The following SULT1B1 variants were observed in gnomAD, a reference collection of about 807,000 sequenced individuals.
The protein encoded by SULT1B1 is sulfotransferase family 1B member 1, also known as sulfotransferase 1B1.
A neutral mutation model predicts 34.6 loss-of-function variants in SULT1B1; 28 were observed. That is an observed-to-expected ratio of 0.81 (90% CI 0.60 to 1.11). The LOEUF is 1.11. SULT1B1 is among the 50% of genes least tolerant of loss of function. The pLI is 0.00. For synonymous variants in SULT1B1, 147 were observed against 110.2 expected (o/e 1.33, Z -2.09); for missense variants, 374 against 352.2 (o/e 1.06, Z -0.50).
chr4:69,737,169 A>T (rs1340337338), intron 4 of SULT1B1, among the ~76,000 whole-genome samples: 1 of 152,224 alleles, frequency 6.6e-6, no homozygotes, highest in Non-Finnish European at 1.5e-5. Flanking sequence ...ATCTAAAACC[A>T]TGAAGGCCAA....
chr4:69,754,886 A>G, intron 2 of SULT1B1, 88 bp from the exon 3 acceptor site: 1 of 1,435,424 alleles, frequency 7.0e-7, no homozygotes, highest in South Asian at 1.3e-5. Context: ...CCATCTTAAC[A>G]CATTCTATTA....
At chr4:69,750,343 T>G (rs1303902617) in intron 3 of SULT1B1, among the ~76,000 whole-genome samples, 1 of 152,154 alleles carries the variant, frequency 6.6e-6, no homozygotes, top group Non-Finnish European at 1.5e-5. Flanking sequence ...CATATGTCTC[T>G]CCATATATGT....
intron 7 of SULT1B1, among the ~76,000 whole-genome samples, chr4:69,730,295 T>C (rs1372894797): frequency 4.6e-5 from 7 of 152,258 alleles, no homozygotes; most frequent in African/African-American, 1.7e-4. Context: ...AATAAATATT[T>C]ATCATATATT....
At chr4:69,728,195 C>T (rs1717913986) in intron 7 of SULT1B1, among the ~76,000 whole-genome samples, 1 of 151,910 alleles carries the variant, frequency 6.6e-6, no homozygotes, top group South Asian at 2.1e-4. Context: ...CAGATTTAAG[C>T]AATTAAAAGT....
At chr4:69,751,019 A>G (rs757267641) in intron 3 of SULT1B1, among the ~76,000 whole-genome samples, 1 of 152,254 alleles carries the variant, frequency 6.6e-6, no homozygotes. Context: ...ACATTTGGAA[A>G]GTACTTACAT....
intron 1 of SULT1B1, 65 bp from the exon 2 acceptor site, chr4:69,755,326 AT>A: frequency 7.9e-7 from 1 of 1,266,032 alleles, no homozygotes; most frequent in South Asian, 1.4e-5. Flanking sequence ...AGACACTGCA[AT>A]TTGTCACAAA....
At chr4:69,749,556 AAAACTT>A in intron 4 of SULT1B1, among the ~76,000 whole-genome samples, 159 bp downstream of exon 4, 1 of 152,304 alleles carries the variant, frequency 6.6e-6, no homozygotes, top group Non-Finnish European at 1.5e-5. Context: ...AACTCAGACT[AAAACTT>A]AATGGCTTTT....
At chr4:69,748,366 A>G (rs925189575) in intron 4 of SULT1B1, among the ~76,000 whole-genome samples, 4 of 152,222 alleles carry the variant, frequency 2.6e-5, no homozygotes, top group Non-Finnish European at 5.9e-5. Context: ...GAACTTCAAA[A>G]TACATGAAAT....
chr4:69,754,941 T>C (rs1719131057), intron 2 of SULT1B1, 129 bp downstream of exon 2: 2 of 1,231,854 alleles, frequency 1.6e-6, no homozygotes, highest in African/African-American at 1.5e-5. Context: ...AATTTTAATA[T>C]ACTAAAATAG....
At chr4:69,746,589 T>C (rs946987699) in intron 4 of SULT1B1, among the ~76,000 whole-genome samples, 1 of 152,220 alleles carries the variant, frequency 6.6e-6, no homozygotes, top group African/African-American at 2.4e-5. Context: ...CTATGTTTTC[T>C]TTCTGCTCTT....
chr4:69,734,534 T>C (rs534419036), intron 4 of SULT1B1, among the ~76,000 whole-genome samples: 12 of 152,288 alleles, frequency 7.9e-5, no homozygotes, highest in African/African-American at 2.9e-4. Context: ...GAAGCATTAA[T>C]AGACCACTGT....
rs1717796019 is a variant in SULT1B1 at position 69,725,414 on chromosome 4, C to A, written c.*1674G>T. On this transcript the variant is annotated 3_prime_UTR_variant, in exon 8 of 8. Coordinates refer to ENST00000310613, the MANE Select transcript of SULT1B1 (RefSeq NM_014465.4). ...GTGGAGAAATAGGAACACTTTTACA[C>A]TTTTGGTGGGAGTGTAAACTAGTTC... is the stretch of plus-strand genomic sequence containing the variant. The A allele has an allele frequency of 1.3e-5, 2 of 152,204 alleles. No homozygotes were observed. Among genetic ancestry groups the A allele is most frequent in the Admixed American group, 1.3e-4 (2 of 15,268 alleles). The allele number at this position is 152,204 out of a possible 1,614,324, so 9.4% of individuals were successfully genotyped here. A position where few individuals can be genotyped will look rare whatever the true frequency, so the allele number is the denominator to read the frequency against.
chr4:69,755,567 G>GCAAA (rs1463453487), intron 1 of SULT1B1, among the ~76,000 whole-genome samples: 1 of 152,114 alleles, frequency 6.6e-6, no homozygotes, highest in Admixed American at 6.5e-5. Flanking sequence ...CTGACTTAAG[G>GCAAA]CAAAATAAAT....
intron 4 of SULT1B1, among the ~76,000 whole-genome samples, chr4:69,740,984 T>A (rs980701200): frequency 6.6e-6 from 1 of 152,212 alleles, no homozygotes; most frequent in South Asian, 2.1e-4. Flanking sequence ...GAGAATGATA[T>A]TTTCTAAGTT....
chr4:69,760,156 G>T, intron 1 of SULT1B1: 1 of 790,508 alleles, frequency 1.3e-6, no homozygotes, highest in Non-Finnish European at 1.5e-6. Context: ...TGAAGGATGG[G>T]AGCAGAGAAA....
intron 3 of SULT1B1, among the ~76,000 whole-genome samples, chr4:69,751,545 G>T (rs954735338): frequency 6.6e-6 from 1 of 152,086 alleles, no homozygotes; most frequent in Non-Finnish European, 1.5e-5. Flanking sequence ...TCTGCCTCCC[G>T]GGTTCACGCC....
In SULT1B1 at chr4:69,724,791, AT is replaced by A. The variant is rs1182125832; in HGVS notation, c.*2296del. 2.0e-5 allele frequency: 3 copies of A among 152,266 alleles called. No homozygotes were observed. Among genetic ancestry groups the A allele is most frequent in the African/African-American group, 7.2e-5 (3 of 41,460 alleles). The allele number at this position is 152,266 out of a possible 1,614,324, so 9.4% of individuals were successfully genotyped here. ...GGGGAAAGGATTCCCTATTTAATAAATGGTGCTGGGAAAACTGGCTAGCCAT... is the reference window on the plus strand; with the variant it reads ...GGGGAAAGGATTCCCTATTTAATAAAGGTGCTGGGAAAACTGGCTAGCCAT... On this transcript the variant is annotated 3_prime_UTR_variant, in exon 8 of 8. Transcript: ENST00000310613.
chr4:69,734,881 C>G (rs987152085), intron 4 of SULT1B1, among the ~76,000 whole-genome samples: 2 of 143,228 alleles, frequency 1.4e-5, no homozygotes, highest in African/African-American at 2.6e-5. Flanking sequence ...TGCAGTGGTG[C>G]GATCTCAGCT....
intron 3 of SULT1B1, among the ~76,000 whole-genome samples, chr4:69,751,435 C>T (rs1452544716): frequency 2.0e-5 from 3 of 152,158 alleles, no homozygotes; most frequent in Admixed American, 2.0e-4. Flanking sequence ...AAATTATCCA[C>T]ATTCAGGCTC....
Sources: allele counts gnomAD v4.1 joint callset (sites outside exome capture counted in the v4.1 genomes callset), GRCh38; gene constraint gnomAD v4.1.1; transcripts MANE v1.5; gene names NCBI Gene and HGNC (gene_info 2026-07-23, HGNC 2026-07-21).